The following RPS6KA3 variants were observed in gnomAD, a reference collection of about 807,000 sequenced individuals.
RPS6KA3 encodes the protein ribosomal protein S6 kinase A3, also known as ribosomal protein S6 kinase alpha-3.
In RPS6KA3, 4 loss-of-function variants were observed where a neutral mutation model predicts 67.2. The observed-to-expected ratio is 0.06, with a 90% CI of 0.03 to 0.14. The LOEUF (loss-of-function observed/expected upper bound fraction) is 0.14, where lower values mean the gene tolerates loss of function less well. Among genes scored for constraint, RPS6KA3 ranks in the 10% least tolerant of loss-of-function variants. RPS6KA3 has a pLI of 1.00. For missense variants in RPS6KA3, 204 were observed against 559.0 expected, an observed-to-expected ratio of 0.36 and a Z score of 6.40; for synonymous variants, 182 against 183.7, an observed-to-expected ratio of 0.99 and a Z score of 0.07.
In RPS6KA3 at chrX:20,176,361, GAAA is replaced by G; in HGVS notation, c.1000-12_1000-10del. On this transcript the variant is annotated splice_polypyrimidine_tract_variant and intron_variant, in intron 12 of 21. Coordinates refer to ENST00000379565, the MANE Select transcript of RPS6KA3 (RefSeq NM_004586.3). ...TCTCTTCTATACAGTTTCTGGAGGGGAAAAAAAAAAGAGACTTAGACATATTTT... is the reference window on the plus strand; with the variant it reads ...TCTCTTCTATACAGTTTCTGGAGGGGAAAAAAAGAGACTTAGACATATTTT... The G allele has an allele frequency of 9.8e-7, 1 of 1,023,992 alleles. No individual in the cohort carries two copies. 84.4% of individuals were successfully genotyped at this position (1,023,992 alleles called of 1,213,427 possible).
At chrX:20,267,060 G>C (rs995021225), upstream of RPS6KA3, 25 of 752,689 alleles carry the variant, frequency 3.3e-5, no homozygotes, top group Non-Finnish European at 3.8e-5. Flanking sequence ...AGCGAGGCTC[G>C]GCCGCCGCCA....
intron 1 of RPS6KA3, among the ~76,000 whole-genome samples, chrX:20,242,847 C>T (rs915704467): frequency 2.7e-5 from 3 of 110,630 alleles, no homozygotes; most frequent in Admixed American, 1.9e-4. Flanking sequence ...GAAGAGGAAA[C>T]AGAAATGGAA....
chrX:20,187,679 T>G (rs191895932), intron 9 of RPS6KA3, 149 bp downstream of exon 9: 1 of 563,588 alleles, frequency 1.8e-6, no homozygotes, highest in Non-Finnish European at 3.1e-6. Context: ...TCATAGTCCT[T>G]CTATACTGCA....
intron 2 of RPS6KA3, among the ~76,000 whole-genome samples, chrX:20,220,556 ATC>A (rs1432126483): frequency 9.0e-6 from 1 of 110,939 alleles, no homozygotes; most frequent in Non-Finnish European, 1.9e-5. Context: ...GAAGTAGGAT[ATC>A]TCTGTTAAGT....
chrX:20,255,971 G>A lies in RPS6KA3; in HGVS notation c.69+10593C>T, dbSNP rs777463731. 9.6e-5 allele frequency among the ~76,000 whole-genome samples: 10 copies of A among 103,913 alleles called. No individual in the cohort carries two copies. The East Asian group carries it at 2.1e-3, about 22-fold the overall frequency. 90.2% of individuals were successfully genotyped at this position (103,913 alleles called of 115,157 possible). A position where few individuals can be genotyped will look rare whatever the true frequency, so the allele number is the denominator to read the frequency against. ...CCAAAAATACAAAAATTAGCCAGGCGTGGTGGTGGGCACCTGTAGTTCCAG... is the reference window on the plus strand; with the variant it reads ...CCAAAAATACAAAAATTAGCCAGGCATGGTGGTGGGCACCTGTAGTTCCAG... On this transcript the variant is annotated intron_variant, in intron 1 of 21. Coordinates refer to ENST00000379565, the MANE Select transcript of RPS6KA3 (RefSeq NM_004586.3).
At chrX:20,165,283 T>C (rs904649224) in intron 17 of RPS6KA3, among the ~76,000 whole-genome samples, 1 of 111,683 alleles carries the variant, frequency 9.0e-6, no homozygotes, top group African/African-American at 3.3e-5. Flanking sequence ...TCCCTCCTCT[T>C]TGTCCAACTG....
intron 1 of RPS6KA3, chrX:20,266,039 C>G (rs2070371680): frequency 8.9e-6 from 1 of 111,804 alleles, no homozygotes; most frequent in Non-Finnish European, 1.9e-5. Flanking sequence ...GAGGCAAAAC[C>G]CTGCACCCCC....
At chrX:20,253,806 C>T (rs1470784746) in intron 1 of RPS6KA3, among the ~76,000 whole-genome samples, 2 of 110,933 alleles carry the variant, frequency 1.8e-5, no homozygotes, top group East Asian at 5.6e-4. Flanking sequence ...TATTAAACTT[C>T]CTGCCCACCC....
intron 1 of RPS6KA3, among the ~76,000 whole-genome samples, chrX:20,237,211 T>C (rs1036501813): frequency 2.7e-5 from 3 of 111,172 alleles, no homozygotes; most frequent in African/African-American, 9.8e-5. Context: ...TCTCCTATAT[T>C]TGTCATCTTA....
intron 1 of RPS6KA3, 91 bp from the exon 2 acceptor site, chrX:20,234,905 G>A: frequency 1.4e-6 from 1 of 693,316 alleles, no homozygotes; most frequent in South Asian, 2.2e-5. Flanking sequence ...AAAAAATTGA[G>A]GAAGATTTTC....
chrX:20,160,360 A>G (rs1171681925), intron 20 of RPS6KA3, among the ~76,000 whole-genome samples: 1 of 112,521 alleles, frequency 8.9e-6, no homozygotes, highest in Non-Finnish European at 1.9e-5. Flanking sequence ...AAGTACCCAG[A>G]GAAATGAATT....
intron 5 of RPS6KA3, 118 bp downstream of exon 5, chrX:20,194,947 T>C (rs2068234126): frequency 4.7e-6 from 2 of 428,198 alleles, no homozygotes; most frequent in East Asian, 4.0e-5. Flanking sequence ...GACTTATTAC[T>C]ATATAGATCT....
chrX:20,166,636 C>A (rs1465099114), intron 17 of RPS6KA3, among the ~76,000 whole-genome samples: 1 of 109,254 alleles, frequency 9.2e-6, no homozygotes. Flanking sequence ...GCTTTCTGCT[C>A]CTCTGCTTCA....
chrX:20,179,604 A>T (rs2067792056), intron 10 of RPS6KA3, among the ~76,000 whole-genome samples: 2 of 111,514 alleles, frequency 1.8e-5, no homozygotes, highest in African/African-American at 6.5e-5. Flanking sequence ...CAAAAACTCG[A>T]CTCACTGGAT....
chrX:20,165,823 T>G (rs1017065016), intron 17 of RPS6KA3, among the ~76,000 whole-genome samples: 4 of 111,711 alleles, frequency 3.6e-5, no homozygotes, highest in Non-Finnish European at 5.6e-5. Context: ...ATTATTTTCC[T>G]CTTTTAATGA....
intron 2 of RPS6KA3, among the ~76,000 whole-genome samples, chrX:20,217,596 C>T (rs1338433598): frequency 8.9e-6 from 1 of 112,041 alleles, no homozygotes; most frequent in African/African-American, 3.2e-5. Context: ...TTTAAATGTT[C>T]CTTGGTAAAA....
intron 1 of RPS6KA3, among the ~76,000 whole-genome samples, chrX:20,237,682 A>G (rs1176171702): frequency 8.9e-6 from 1 of 111,953 alleles, no homozygotes; most frequent in Non-Finnish European, 1.9e-5. Context: ...ATAAATGTTA[A>G]AGAGCTGTAC....
chrX:20,238,827 T>C (rs1413958291), intron 1 of RPS6KA3, among the ~76,000 whole-genome samples: 1 of 111,409 alleles, frequency 9.0e-6, no homozygotes, highest in African/African-American at 3.3e-5. Flanking sequence ...AACTTTTCTA[T>C]CACTTCATCA....
intron 20 of RPS6KA3, among the ~76,000 whole-genome samples, chrX:20,157,184 T>C (rs1281643092): frequency 8.9e-6 from 1 of 112,130 alleles, no homozygotes; most frequent in Non-Finnish European, 1.9e-5. Flanking sequence ...ATAACACCAC[T>C]GTCATTTATA....
Sources: gnomAD v4.1 joint callset for allele counts (sites outside exome capture counted in the v4.1 genomes callset) on GRCh38, gnomAD v4.1.1 for gene constraint, MANE v1.5 for transcripts, NCBI Gene and HGNC (gene_info 2026-07-23, HGNC 2026-07-21) for gene names.